Variants in HSD17B13 observed in about 807,000 individuals in gnomAD.
HSD17B13 encodes 17-beta-hydroxysteroid dehydrogenase 13.
HSD17B13 carries 26 observed loss-of-function variants against 31.1 expected under a neutral mutation model. That is an observed-to-expected ratio of 0.84 (90% CI 0.61 to 1.16). The LOEUF is 1.16. Among genes scored for constraint, HSD17B13 ranks in the 50% most tolerant of loss-of-function variants. The pLI is 0.00. For missense variants in HSD17B13, 374 were observed against 366.5 expected, an observed-to-expected ratio of 1.02 and a Z score of -0.17; for synonymous variants, 141 against 133.7, an observed-to-expected ratio of 1.05 and a Z score of -0.38.
Position 87,313,826 on chromosome 4 carries a change from G to T in HSD17B13, c.692C>A (p.Thr231Lys). 1 of 1,610,136 alleles carries T rather than the reference G, an allele frequency of 6.2e-7. No individual in the cohort carries two copies. Among genetic ancestry groups the T allele is most frequent in the African/African-American group, 1.3e-5 (1 of 74,428 alleles). ...VNTGFTKNPS[T>K]RLWPVLETDE... is the part of the protein sequence containing the mutation. ...TCTAACTTGATTTTGACCTTACCTT[G>T]TGCTTGGATTTTTGGTGAACCCAGT... Residue 231 changes from threonine to lysine, a missense_variant, in exon 5 of 7, where the codon ACA (threonine) becomes AAA (lysine). Coordinates refer to ENST00000328546, the MANE Select transcript of HSD17B13 (RefSeq NM_178135.5).
rs374552846 is a variant in HSD17B13, at chr4:87,312,712, T to C, written c.695+1111A>G. Among the ~76,000 whole-genome samples the C allele has an allele frequency of 4.1e-3, 615 of 151,582 alleles. 4 individuals are homozygous for C. Among genetic ancestry groups the C allele is most frequent in the African/African-American group, 0.014 (579 of 41,398 alleles). ...GCCCGGCTAATTTTTTTGTGTTTTT[T>C]AGTAGAGACGGGGTTTCACTGTGTT... On this transcript the variant is annotated intron_variant, in intron 5 of 6. Transcript: ENST00000328546.
In HSD17B13 at chr4:87,317,074, T is replaced by A. The variant is rs1489569026; in HGVS notation, c.450+18A>T. 8.1e-6 allele frequency: 13 copies of A among 1,612,856 alleles called. No individual in the cohort carries two copies. The highest frequency in any genetic ancestry group is 1.3e-5 in the African/African-American group (1 of 75,028). On this transcript the variant is annotated intron_variant, in intron 3 of 6. Coordinates refer to ENST00000328546, the MANE Select transcript of HSD17B13 (RefSeq NM_178135.5). ...AGAGAAGGTGCACAAATCAGAAATG[T>A]TTCTGACTCACACTCACCCAAAAAT...
chr4:87,314,119 T>G (rs1734595413), intron 4 of HSD17B13, among the ~76,000 whole-genome samples, 159 bp from the exon 5 acceptor site: 1 of 151,750 alleles, frequency 6.6e-6, no homozygotes, highest in South Asian at 2.1e-4. Flanking sequence ...CATTTTCATT[T>G]TCTTACATGA....
rs1734341139 is a variant in HSD17B13 at position 87,304,411 on chromosome 4, G to C, written c.*807C>G. The C allele has an allele frequency of 6.6e-6, 1 of 152,196 alleles. No individual in the cohort carries two copies. The highest frequency in any genetic ancestry group is 1.5e-5 in the Non-Finnish European group (1 of 68,068). The allele number at this position is 152,196 out of a possible 1,614,324, so 9.4% of individuals were successfully genotyped here. ...TGTTTCTTATGTAATAGCCAGTACA[G>C]TTCCTTTTCCTGTGTTAGCTTTAAT... On this transcript the variant is annotated 3_prime_UTR_variant, in exon 7 of 7. Transcript: ENST00000328546.
At chr4:87,317,563 CTTTTTTTTTTTTTTTT>C (rs869241617) in intron 2 of HSD17B13, among the ~76,000 whole-genome samples, 4 of 49,748 alleles carry the variant, frequency 8.0e-5, no homozygotes, top group African/African-American at 3.4e-4. Context: ...TTTCTTTAAA[CTTTTTTTTTTTTTTTT>C]TTTTTTTTTT....
intron 6 of HSD17B13, among the ~76,000 whole-genome samples, chr4:87,306,905 TAAAAAAAAAAAAAA>T (rs67775053): frequency 2.3e-5 from 1 of 44,286 alleles, no homozygotes. Context: ...AGACCCAATC[TAAAAAAAAAAAAAA>T]AAAAAAAAAA....
intron 6 of HSD17B13, among the ~76,000 whole-genome samples, chr4:87,305,721 A>AAATG (rs386400733): frequency 6.6e-6 from 1 of 151,984 alleles, no homozygotes; most frequent in Non-Finnish European, 1.5e-5. Context: ...CTCAATAAAT[A>AAATG]AATAAATAAA....
chr4:87,313,702 A>G (rs1427396184), intron 5 of HSD17B13, 121 bp downstream of exon 5: 1 of 763,704 alleles, frequency 1.3e-6, no homozygotes, highest in Non-Finnish European at 2.0e-6. Flanking sequence ...TAATAATAAT[A>G]AGAAAAATTA....
At chr4:87,305,373 T>C in intron 6 of HSD17B13, 65 bp from the exon 7 acceptor site, 3 of 1,079,226 alleles carry the variant, frequency 2.8e-6, no homozygotes, top group Non-Finnish European at 3.9e-6. Flanking sequence ...CAGAGTTCTG[T>C]TTTTGGTCAT....
chr4:87,307,721 G>A (rs1009613320), intron 6 of HSD17B13, among the ~76,000 whole-genome samples: 2 of 152,134 alleles, frequency 1.3e-5, no homozygotes, highest in East Asian at 3.9e-4. Flanking sequence ...GGCTGGTCTC[G>A]AATGCCTGAC....
At chr4:87,314,663 A>G (rs1487557463) in intron 4 of HSD17B13, among the ~76,000 whole-genome samples, 1 of 151,744 alleles carries the variant, frequency 6.6e-6, no homozygotes, top group Non-Finnish European at 1.5e-5. Flanking sequence ...ACACACACAC[A>G]CACACACTTT....
intron 5 of HSD17B13, among the ~76,000 whole-genome samples, chr4:87,312,996 G>T (rs1275364658): frequency 1.3e-5 from 2 of 151,732 alleles, no homozygotes; most frequent in Admixed American, 6.6e-5. Context: ...AAAGGCGGAG[G>T]TTGCGGTGAG....
intron 5 of HSD17B13, among the ~76,000 whole-genome samples, chr4:87,313,544 A>T (rs1305130581): frequency 2.6e-5 from 4 of 152,056 alleles, no homozygotes; most frequent in Non-Finnish European, 4.4e-5. Context: ...TCCTTGGAAC[A>T]TTTGCATTTT....
Position 87,318,329 on chromosome 4 carries a change from C to T in HSD17B13, c.318G>A (p.Gln106=), listed in dbSNP as rs368383735. 8 of 1,608,522 alleles carry T rather than the reference C, an allele frequency of 5.0e-6. No homozygotes were observed. Among genetic ancestry groups the T allele is most frequent in the Middle Eastern group, 3.3e-4 (2 of 6,052 alleles). The stretch of plus-strand genomic sequence containing the variant: ...GAAATTTGTGAACCTGCAGTCTCAC[C>T]TGATTTAGAGAGCGATAGATCTCTT... The part of the protein sequence containing the change: ...NREEIYRSLN[Q]VKKEVGDVTI... Residue 106 remains glutamine, a splice_region_variant and synonymous_variant, in exon 2 of 7, where the codon CAG becomes CAA. Coordinates refer to ENST00000328546, the MANE Select transcript of HSD17B13 (RefSeq NM_178135.5).
In HSD17B13 at chr4:87,318,353, TTC is replaced by T; in HGVS notation, c.292_293del (p.Glu98ArgfsTer15). 6.2e-7 allele frequency: 1 copy of T among 1,612,388 alleles called. No homozygotes were observed. The highest frequency in any genetic ancestry group is 8.5e-7 in the Non-Finnish European group (1 of 1,178,750). ...HAYVVDCSNR[E>X]EIYRSLNQVK... ...CCTGATTTAGAGAGCGATAGATCTC[TTC>T]TCTGTTGCTGCAGTCTACCACATAC... On this transcript the variant is annotated frameshift_variant, in exon 2 of 7. Transcript: ENST00000328546. LOFTEE classifies it high-confidence loss of function.
At chr4:87,318,497 A>C in intron 1 of HSD17B13, 61 bp from the exon 2 acceptor site, 1 of 1,399,220 alleles carries the variant, frequency 7.1e-7, no homozygotes, top group Non-Finnish European at 1.0e-6. Context: ...GAGAAGAAAA[A>C]TTTTTAGACA....
intron 2 of HSD17B13, 52 bp downstream of exon 2, chr4:87,318,277 G>T: frequency 7.4e-7 from 1 of 1,351,418 alleles, no homozygotes; most frequent in Non-Finnish European, 1.1e-6. Flanking sequence ...TTCCACGTCA[G>T]CGTCCTAGGA....
At chr4:87,313,210 A>G (rs925398478) in intron 5 of HSD17B13, among the ~76,000 whole-genome samples, 35 of 152,184 alleles carry the variant, frequency 2.3e-4, no homozygotes, top group African/African-American at 8.2e-4. Flanking sequence ...GTATCCTCAA[A>G]TGAGGCGGCA....
At chr4:87,314,844 G>A (rs1734615645) in intron 4 of HSD17B13, among the ~76,000 whole-genome samples, 1 of 152,088 alleles carries the variant, frequency 6.6e-6, no homozygotes, top group African/African-American at 2.4e-5. Context: ...AAACATGCTT[G>A]GCATTACTGT....
Sources: gnomAD v4.1 joint callset for allele counts (sites outside exome capture counted in the v4.1 genomes callset) on GRCh38, gnomAD v4.1.1 for gene constraint, MANE v1.5 for transcripts, NCBI Gene and HGNC (gene_info 2026-07-23, HGNC 2026-07-21) for gene names.